COL9A1: variants seen among roughly 807,000 people sequenced by gnomAD.
COL9A1 encodes the protein collagen type IX alpha 1 chain.
In COL9A1, 104 loss-of-function variants were observed where a neutral mutation model predicts 142.6. The observed-to-expected ratio is 0.73, with a 90% CI of 0.62 to 0.86. The LOEUF (loss-of-function observed/expected upper bound fraction) is 0.86, where lower values mean the gene tolerates loss of function less well. Ranked by LOEUF, COL9A1 falls within the 40% of genes least tolerant of loss-of-function variation. COL9A1 has a pLI of 0.00. For missense variants in COL9A1, 1,210 were observed against 1,176.6 expected (o/e 1.03, Z -0.42); for synonymous variants, 466 against 396.0 (o/e 1.18, Z -2.10).
intron 7 of COL9A1, 33 bp downstream of exon 7, chr6:70,282,865 G>C: frequency 6.2e-7 from 1 of 1,614,102 alleles, no homozygotes; most frequent in East Asian, 2.2e-5. Context: ...GTGTGCGCTT[G>C]AAAAATGCAA....
chr6:70,232,516 G>A, intron 36 of COL9A1, 67 bp downstream of exon 36: 1 of 1,537,990 alleles, frequency 6.5e-7, no homozygotes, highest in East Asian at 2.2e-5. Flanking sequence ...AATTCCTCGA[G>A]CTTGATACAG....
chr6:70,225,332 G>T (rs559356869), intron 37 of COL9A1, among the ~76,000 whole-genome samples: 4 of 152,140 alleles, frequency 2.6e-5, no homozygotes, highest in East Asian at 1.9e-4. Context: ...AGAACAGAAG[G>T]CCCAGTGAGA....
rs148680798 is a variant in COL9A1 at position 70,261,806 on chromosome 6, C to T, written c.1396-1096G>A. ...AATATTTGGGTCAATAGCAATGACA[C>T]GAGAATACCACATATTTTCTCTTGA... is the stretch of plus-strand genomic sequence containing the variant. On this transcript the variant is annotated intron_variant, in intron 19 of 37. Coordinates refer to ENST00000357250, the MANE Select transcript of COL9A1 (RefSeq NM_001851.6). 5.0e-3 allele frequency among the ~76,000 whole-genome samples: 756 copies of T among 152,270 alleles called. 1 individual carries two copies. The highest frequency in any genetic ancestry group is 0.011 in the African/African-American group (458 of 41,540).
Position 70,255,374 on chromosome 6 carries a change from C to G in COL9A1, c.1520G>C (p.Arg507Pro). The change falls in exon 22 of 38, where the codon CGA becomes CCA. Residue 507 changes from arginine (R) to proline (P), a missense_variant. By Grantham distance (103) the Arg-to-Pro change is moderately radical (BLOSUM62 -2). Coordinates refer to ENST00000357250, the MANE Select transcript of COL9A1 (RefSeq NM_001851.6). ...GGGACCTGCTTCTCCTGGAGGTCCT[C>G]GCTGTCCTTGATCACCCTGTATGAA... ...LPGAPGDQGQ[R>P]GPPGEAGPKG... 6.2e-7 allele frequency: 1 copy of G among 1,614,104 alleles called. No homozygotes were observed. Among genetic ancestry groups the G allele is most frequent in the Non-Finnish European group, 8.5e-7 (1 of 1,179,980 alleles).
In COL9A1 at chr6:70,256,797, G is replaced by A. The variant is rs1771326652; in HGVS notation, c.1474C>T (p.Pro492Ser). The A allele has an allele frequency of 1.9e-6, 3 of 1,613,486 alleles. No homozygotes were observed. Among genetic ancestry groups the A allele is most frequent in the Non-Finnish European group, 2.5e-6 (3 of 1,179,908 alleles). The change falls in exon 21 of 38, where the codon CCT becomes TCT. Residue 492 changes from proline to serine, a missense_variant. By Grantham distance (74) the Pro-to-Ser change is moderately conservative (BLOSUM62 -1). Transcript: ENST00000357250. ...GCACCAGGAAGACCCTGAGGCCCAG[G>A]TTCACCATCTAAGCCCCGAGCACCC... ...EKGARGLDGEPGPQGLPGAPG... is the reference protein window; with the variant it reads ...EKGARGLDGESGPQGLPGAPG...
chr6:70,233,018 C>T (rs768882817), intron 35 of COL9A1, among the ~76,000 whole-genome samples: 4 of 151,816 alleles, frequency 2.6e-5, no homozygotes, highest in Admixed American at 6.6e-5. Context: ...AGTCAGGGCA[C>T]GGGGAGGGAG....
chr6:70,217,212 GTGA>G (rs1446811078), intron 37 of COL9A1, 131 bp from the exon 38 acceptor site: 7 of 742,236 alleles, frequency 9.4e-6, no homozygotes, highest in Non-Finnish European at 1.6e-5. Flanking sequence ...ATGATGACTG[GTGA>G]TGATTGGTGA....
At chr6:70,281,338 A>G in intron 8 of COL9A1, 52 bp downstream of exon 8, 3 of 1,561,846 alleles carry the variant, frequency 1.9e-6, no homozygotes, top group Non-Finnish European at 2.6e-6. Context: ...TGGGAAAAGA[A>G]TAGGAAAGGG....
chr6:70,283,167 G>T (rs1773282692), intron 6 of COL9A1: 1 of 1,504,536 alleles, frequency 6.6e-7, no homozygotes. Context: ...AAGCACCCCC[G>T]GGAGTAGCGG....
intron 5 of COL9A1, among the ~76,000 whole-genome samples, chr6:70,286,563 T>G (rs924153772): frequency 1.3e-5 from 2 of 152,210 alleles, no homozygotes; most frequent in African/African-American, 4.8e-5. Flanking sequence ...GACAGATGTT[T>G]CATTAAGCTT....
intron 33 of COL9A1, among the ~76,000 whole-genome samples, 174 bp downstream of exon 33, chr6:70,239,080 A>G (rs1770085241): frequency 6.6e-6 from 1 of 152,214 alleles, no homozygotes; most frequent in South Asian, 2.1e-4. Context: ...CAGAGGTTGC[A>G]GTGAGCCAAG....
intron 14 of COL9A1, 32 bp from the exon 15 acceptor site, chr6:70,270,399 T>C (rs1219585424): frequency 3.1e-6 from 5 of 1,593,762 alleles, no homozygotes; most frequent in Admixed American, 3.3e-5. Flanking sequence ...ACACAGTGGT[T>C]ATACATGTGT....
At chr6:70,233,558 T>C (rs1380496914) in intron 35 of COL9A1, among the ~76,000 whole-genome samples, 3 of 152,264 alleles carry the variant, frequency 2.0e-5, no homozygotes, top group Non-Finnish European at 4.4e-5. Context: ...AAGGAGAATA[T>C]GAAATGGAAA....
chr6:70,270,183 G>T (rs1319946618), intron 15 of COL9A1, 131 bp downstream of exon 15: 7 of 853,206 alleles, frequency 8.2e-6, no homozygotes, highest in Non-Finnish European at 9.8e-6. Flanking sequence ...TGAGTGCATG[G>T]AAAAATTGAT....
intron 5 of COL9A1, 42 bp from the exon 6 acceptor site, chr6:70,283,862 G>A (rs1440542463): frequency 2.5e-5 from 35 of 1,403,704 alleles, no homozygotes; most frequent in Non-Finnish European, 3.3e-5. Flanking sequence ...TTTTTTGGAC[G>A]ACTGAAGCTG....
At position 70,252,297 on chromosome 6, in the gene COL9A1, C is replaced by G; in HGVS notation, c.1783G>C (p.Gly595Arg). 1 of 1,614,158 alleles carries G rather than the reference C, an allele frequency of 6.2e-7. No individual in the cohort carries two copies. The change falls in exon 27 of 38, where the codon GGG becomes CGG. Residue 595 changes from glycine to arginine, a missense_variant. Coordinates refer to ENST00000357250, the MANE Select transcript of COL9A1 (RefSeq NM_001851.6). Reference protein sequence around the residue: ...AGEKGSTGAPGKPGQMGNSGK... With the variant: ...AGEKGSTGAPRKPGQMGNSGK... The stretch of plus-strand genomic sequence containing the variant: ...GAATTTCCCATCTGACCAGGCTTCC[C>G]TGGAGCACCTGTGCTACCCTAAGGG...
chr6:70,284,862 A>T (rs1331723058), intron 5 of COL9A1, among the ~76,000 whole-genome samples: 1 of 152,210 alleles, frequency 6.6e-6, no homozygotes, highest in African/African-American at 2.4e-5. Flanking sequence ...ATGTCATCCC[A>T]CCTGCCAAAT....
At position 70,302,919 on chromosome 6, in the gene COL9A1, C is replaced by G; in HGVS notation, c.6G>C (p.Lys2Asn). 2 of 1,614,070 alleles carry G rather than the reference C, an allele frequency of 1.2e-6. No individual in the cohort carries two copies. The highest frequency in any genetic ancestry group is 2.2e-5 in the East Asian group (1 of 44,862). M[K>N]TCWKIPVFFF... ...CAGGGTTATTGTCTTACCAGCAGGT[C>G]TTCATTTTCCCAGTTGATTTTCTTT... The change falls in exon 1 of 38, where the codon AAG becomes AAC. Residue 2 changes from lysine (K) to asparagine (N), a missense_variant. Physicochemically the swap from Lys to Asn is moderately conservative, Grantham distance 94. Coordinates refer to ENST00000357250, the MANE Select transcript of COL9A1 (RefSeq NM_001851.6).
chr6:70,302,111 T>C (rs1774088511), intron 1 of COL9A1, 37 bp from the exon 2 acceptor site: 1 of 1,426,776 alleles, frequency 7.0e-7, no homozygotes, highest in South Asian at 1.2e-5. Flanking sequence ...GAAACAGGAG[T>C]CCCCGCAGAT....
Sources: allele counts gnomAD v4.1 joint callset (sites outside exome capture counted in the v4.1 genomes callset), GRCh38; gene constraint gnomAD v4.1.1; transcripts MANE v1.5; gene names NCBI Gene and HGNC (gene_info 2026-07-23, HGNC 2026-07-21).